The following MAGI2 variants were observed in gnomAD, a reference collection of about 807,000 sequenced individuals.
MAGI2 encodes the protein membrane-associated guanylate kinase, WW and PDZ domain-containing protein 2.
A neutral mutation model predicts 133.3 loss-of-function variants in MAGI2; 35 were observed. That is an observed-to-expected ratio of 0.26 (90% CI 0.20 to 0.35). The LOEUF (loss-of-function observed/expected upper bound fraction) is 0.35. MAGI2 is among the 10% of genes least tolerant of loss of function. The pLI is 1.00. For missense variants in MAGI2, 1,636 were observed against 1,863.4 expected, an observed-to-expected ratio of 0.88 and a Z score of 2.25; for synonymous variants, 729 against 710.6, an observed-to-expected ratio of 1.03 and a Z score of -0.41.
At chr7:78,040,383 C>T (rs1467114430) in intron 21 of MAGI2, among the ~76,000 whole-genome samples, 1 of 152,182 alleles carries the variant, frequency 6.6e-6, no homozygotes, top group East Asian at 1.9e-4. Context: ...CCCCTGGCGG[C>T]CCCTGGTCGT....
intron 1 of MAGI2, among the ~76,000 whole-genome samples, chr7:79,020,113 T>C (rs893332254): frequency 2.6e-5 from 4 of 152,066 alleles, no homozygotes; most frequent in African/African-American, 9.7e-5. Flanking sequence ...GTAGTCTCAG[T>C]TGGAGATGAG....
At chr7:78,530,649 C>T (rs1244918736) in intron 3 of MAGI2, among the ~76,000 whole-genome samples, 1 of 152,126 alleles carries the variant, frequency 6.6e-6, no homozygotes, top group Admixed American at 6.5e-5. Flanking sequence ...ACTTTGATCC[C>T]CCATCGTGTT....
intron 1 of MAGI2, among the ~76,000 whole-genome samples, chr7:79,364,385 A>T (rs1242016991): frequency 6.6e-6 from 1 of 152,082 alleles, no homozygotes; most frequent in Non-Finnish European, 1.5e-5. Flanking sequence ...GAGGTAATAC[A>T]TATGTTAATT....
intron 1 of MAGI2, among the ~76,000 whole-genome samples, chr7:79,160,296 T>C (rs2129547660): frequency 6.6e-6 from 1 of 151,996 alleles, no homozygotes; most frequent in Non-Finnish European, 1.5e-5. Flanking sequence ...TGCTTTAAAA[T>C]AAAGAAAAAA....
intron 9 of MAGI2, among the ~76,000 whole-genome samples, chr7:78,297,231 C>T (rs1440966960): frequency 2.0e-5 from 3 of 152,152 alleles, no homozygotes; most frequent in Non-Finnish European, 4.4e-5. Flanking sequence ...ACTACACTAG[C>T]TCATCATCAC....
At chr7:79,291,733 G>T (rs1314178150) in intron 1 of MAGI2, among the ~76,000 whole-genome samples, 1 of 151,922 alleles carries the variant, frequency 6.6e-6, no homozygotes, top group Non-Finnish European at 1.5e-5. Context: ...GACTATTCAG[G>T]CCAATTTACC....
chr7:78,816,003 C>T (rs1789544335), intron 2 of MAGI2, among the ~76,000 whole-genome samples: 1 of 152,142 alleles, frequency 6.6e-6, no homozygotes, highest in Non-Finnish European at 1.5e-5. Flanking sequence ...AGGCTTCTTG[C>T]ACCACATAGT....
At chr7:79,291,297 A>C (rs943936968) in intron 1 of MAGI2, among the ~76,000 whole-genome samples, 3 of 152,064 alleles carry the variant, frequency 2.0e-5, no homozygotes, top group African/African-American at 4.8e-5. Context: ...TAAACCACAC[A>C]ATTTATCCAT....
intron 20 of MAGI2, among the ~76,000 whole-genome samples, chr7:78,081,740 G>T (rs1425655949): frequency 6.6e-6 from 1 of 152,170 alleles, no homozygotes; most frequent in Non-Finnish European, 1.5e-5. Context: ...TAAGCATGGG[G>T]TAACCTGACC....
At chr7:78,962,676 A>C (rs1802950740) in intron 2 of MAGI2, among the ~76,000 whole-genome samples, 1 of 151,980 alleles carries the variant, frequency 6.6e-6, no homozygotes, top group Non-Finnish European at 1.5e-5. Context: ...TGGATAATAT[A>C]TTGGCATTGA....
intron 2 of MAGI2, among the ~76,000 whole-genome samples, chr7:78,903,022 T>TG (rs1797719990): frequency 6.6e-6 from 1 of 151,694 alleles, no homozygotes; most frequent in Admixed American, 6.6e-5. Context: ...GAGTGAAGAG[T>TG]GACAGAGAGG....
intron 1 of MAGI2, among the ~76,000 whole-genome samples, chr7:79,277,791 G>T (rs1206682547): frequency 1.3e-5 from 2 of 151,996 alleles, no homozygotes; most frequent in Non-Finnish European, 2.9e-5. Context: ...CTGTCTCCTT[G>T]AGATGTAAAT....
chr7:78,630,692 G>C (rs1808890817), intron 2 of MAGI2, among the ~76,000 whole-genome samples: 1 of 152,032 alleles, frequency 6.6e-6, no homozygotes, highest in Non-Finnish European at 1.5e-5. Context: ...TGTGATTACA[G>C]GCATGAGCCA....
intron 1 of MAGI2, among the ~76,000 whole-genome samples, chr7:79,015,681 A>T (rs1197299667): frequency 6.6e-6 from 1 of 152,162 alleles, no homozygotes; most frequent in Non-Finnish European, 1.5e-5. Flanking sequence ...TTTATTTTGG[A>T]ATGCAGAATG....
intron 4 of MAGI2, 58 bp from the exon 5 acceptor site, chr7:78,501,845 G>T: frequency 7.9e-7 from 1 of 1,270,090 alleles, no homozygotes; most frequent in Non-Finnish European, 1.1e-6. Flanking sequence ...TCTGGACTGA[G>T]TATGGAGAAT....
intron 5 of MAGI2, among the ~76,000 whole-genome samples, chr7:78,496,226 T>G (rs947475187): frequency 1.4e-4 from 21 of 152,224 alleles, no homozygotes; most frequent in African/African-American, 4.3e-4. Flanking sequence ...CTGACAAATA[T>G]TTGTAAACCA....
chr7:78,953,008 A>G (rs907314710), intron 2 of MAGI2, among the ~76,000 whole-genome samples: 1 of 152,092 alleles, frequency 6.6e-6, no homozygotes, highest in Non-Finnish European at 1.5e-5. Flanking sequence ...ATCAGCAAGT[A>G]CTCTAAGGAG....
Position 78,019,556 on chromosome 7 carries a change from T to G in MAGI2, c.4127A>C (p.Glu1376Ala). 1.0e-6 allele frequency: 1 copy of G among 979,748 alleles called. No individual in the cohort carries two copies. The highest frequency in any genetic ancestry group is 1.2e-6 in the Non-Finnish European group (1 of 827,904). 60.7% of individuals were successfully genotyped at this position (979,748 alleles called of 1,614,324 possible). ...KEAPRAAAGS[E>A]LCRREGPGAA... The stretch of plus-strand genomic sequence containing the variant: ...CCCCGGGCCTTCGCGCCGGCAGAGC[T>G]CGGAGCCCGCCGCCGCACGGGGCGC... Residue 1376 changes from glutamate (E) to alanine (A), a missense_variant, in exon 22 of 22, where the codon GAG becomes GCG. Around this residue, in one of 5 missense-constraint regions of MAGI2, gnomAD observed 354 missense variants for 298.7 expected, o/e 1.19. Transcript: ENST00000354212.
intron 2 of MAGI2, among the ~76,000 whole-genome samples, chr7:78,948,359 T>G (rs1182060455): frequency 6.6e-6 from 1 of 152,004 alleles, no homozygotes; most frequent in Non-Finnish European, 1.5e-5. Flanking sequence ...AGCATATGAT[T>G]AGAGAGGATT....
Sources: gnomAD v4.1 joint callset for allele counts (sites outside exome capture counted in the v4.1 genomes callset) on GRCh38, gnomAD v4.1.1 for gene constraint, gnomAD v4.1.1 regional missense constraint, MANE v1.5 for transcripts, NCBI Gene and HGNC (gene_info 2026-07-23, HGNC 2026-07-21) for gene names.